Variants in SPDYE14 observed in about 807,000 individuals in gnomAD.
SPDYE14 encodes the protein speedy protein E14.
the SPDYE14 span, among the ~76,000 whole-genome samples, chr7:75,260,172 A>G: frequency 3.8e-5 from 1 of 26,606 alleles, no homozygotes; most frequent in Non-Finnish European, 9.7e-5. Flanking sequence ...GAGTGCAGTG[A>G]TGTGATCATA....
chr7:75,254,700 CCCTTCCCCTCCCCTTCCCCTCT>C, the SPDYE14 span, among the ~76,000 whole-genome samples: 4 of 11,632 alleles, frequency 3.4e-4, no homozygotes, highest in African/African-American at 5.7e-4. Context: ...CCTTCCCCTC[CCCTTCCCCTCCCCTTCCCCTCT>C]CCTTCCCCTC....
At chr7:75,278,146 T>C in the SPDYE14 span, among the ~76,000 whole-genome samples, 2 of 59,782 alleles carry the variant, frequency 3.3e-5, 1 homozygote, top group Non-Finnish European at 8.6e-5. Flanking sequence ...AGCGTGAGGA[T>C]TCTGTACAGG....
the SPDYE14 span, chr7:75,237,546 G>A: frequency 3.8e-5 from 1 of 26,080 alleles, no homozygotes; most frequent in Non-Finnish European, 1.0e-4. Flanking sequence ...GGCGGCGGCC[G>A]GGCCGGGCCG....
At chr7:75,240,251 T>A in the SPDYE14 span, among the ~76,000 whole-genome samples, 2 of 39,400 alleles carry the variant, frequency 5.1e-5, no homozygotes, top group African/African-American at 6.8e-5. Context: ...TTGGAAATGG[T>A]ACAGGTGAAG....
At chr7:75,237,726 G>C in the SPDYE14 span, 1 of 113,052 alleles carries the variant, frequency 8.8e-6, no homozygotes, top group African/African-American at 2.5e-5. Context: ...TCAAACGCCG[G>C]TCCCCGCTGC....
chr7:75,273,736 T>G, the SPDYE14 span, among the ~76,000 whole-genome samples: 2 of 60,144 alleles, frequency 3.3e-5, 1 homozygote, highest in African/African-American at 7.9e-5. Context: ...CCTCCCAAAC[T>G]TCTTGCCTCC....
At chr7:75,249,565 TCTTCCTTC>T in the SPDYE14 span, among the ~76,000 whole-genome samples, 76 of 122,476 alleles carry the variant, frequency 6.2e-4, 1 homozygote, top group African/African-American at 2.4e-3. Flanking sequence ...AGCTTCATTT[TCTTCCTTC>T]CTTCTTTCCT....
chr7:75,265,027 T>G, the SPDYE14 span, among the ~76,000 whole-genome samples: 3 of 64,654 alleles, frequency 4.6e-5, no homozygotes, highest in African/African-American at 1.3e-4. Flanking sequence ...GCCTGTTTTT[T>G]TTTTTTTTTT....
chr7:75,249,662 T>C, the SPDYE14 span, among the ~76,000 whole-genome samples: 1 of 48,506 alleles, frequency 2.1e-5, no homozygotes, highest in Admixed American at 2.3e-4. Context: ...CCCTCTCTCC[T>C]TCCCTCCCTC....
chr7:75,273,718 C>T, the SPDYE14 span, among the ~76,000 whole-genome samples: 2 of 60,816 alleles, frequency 3.3e-5, no homozygotes, highest in African/African-American at 7.8e-5. Context: ...CTCATCTCAA[C>T]GTGATCACCT....
chr7:75,250,143 G>A, the SPDYE14 span, among the ~76,000 whole-genome samples: 5 of 68,838 alleles, frequency 7.3e-5, no homozygotes, highest in Middle Eastern at 6.0e-3. Context: ...TGTAATCTCC[G>A]CACTTTGGGA....
At chr7:75,241,669 T>TA in the SPDYE14 span, among the ~76,000 whole-genome samples, 16 of 22,670 alleles carry the variant, frequency 7.1e-4, 1 homozygote, top group South Asian at 1.5e-3. Flanking sequence ...TGGGTCTTGG[T>TA]AAAAAAAAAA....
the SPDYE14 span, among the ~76,000 whole-genome samples, chr7:75,278,476 G>A: frequency 8.5e-5 from 2 of 23,610 alleles, 1 homozygote; most frequent in Admixed American, 1.5e-3. Context: ...AGCTACTCGG[G>A]AGGCTGAGGT....
the SPDYE14 span, chr7:75,237,675 C>T: frequency 3.1e-4 from 31 of 99,382 alleles, no homozygotes; most frequent in African/African-American, 8.4e-4. Context: ...GCGCCCGGCG[C>T]GGGGAGCAGC....
the SPDYE14 span, among the ~76,000 whole-genome samples, chr7:75,240,510 C>T: frequency 1.8e-5 from 1 of 55,372 alleles, no homozygotes; most frequent in Non-Finnish European, 4.4e-5. Context: ...GTAGGAGAAT[C>T]ACTTGAACCT....
the SPDYE14 span, among the ~76,000 whole-genome samples, chr7:75,261,467 T>C: frequency 9.3e-6 from 1 of 107,680 alleles, no homozygotes; most frequent in African/African-American, 3.2e-5. Flanking sequence ...TTTTTTTTTT[T>C]TTTTTTTTTT....
the SPDYE14 span, among the ~76,000 whole-genome samples, chr7:75,245,013 GAACC>G: frequency 2.6e-5 from 1 of 37,862 alleles, no homozygotes; most frequent in Non-Finnish European, 6.3e-5. Flanking sequence ...AGAATCGCTT[GAACC>G]TGGGAGGCGG....
chr7:75,241,695 A>ATT, the SPDYE14 span, among the ~76,000 whole-genome samples: 202 of 15,434 alleles, frequency 0.013, 9 homozygotes, highest in African/African-American at 0.026. Flanking sequence ...ATATATATAT[A>ATT]TTTTTTTTTT....
the SPDYE14 span, among the ~76,000 whole-genome samples, chr7:75,278,570 C>CAA: frequency 1.9e-4 from 1 of 5,256 alleles, no homozygotes; most frequent in Non-Finnish European, 4.8e-4. Flanking sequence ...GACTCCGTCT[C>CAA]AAAAAAAAAA....
Sources: allele counts gnomAD v4.1 joint callset (sites outside exome capture counted in the v4.1 genomes callset), GRCh38; gene constraint gnomAD v4.1.1; transcripts MANE v1.5; gene names NCBI Gene and HGNC (gene_info 2026-07-23, HGNC 2026-07-21).